The following RNF111 variants were observed in gnomAD, a reference collection of about 807,000 sequenced individuals.
The protein encoded by RNF111 is E3 ubiquitin-protein ligase Arkadia.
Under a neutral mutation model 95.1 loss-of-function variants are expected in RNF111, and 17 were observed. The ratio of observed to expected loss-of-function variants is 0.18; its 90% CI spans 0.12 to 0.27. The LOEUF (loss-of-function observed/expected upper bound fraction) is 0.27. Among genes scored for constraint, RNF111 ranks in the 10% least tolerant of loss-of-function variants. The probability of loss-of-function intolerance (pLI) is 1.00; values close to 1 mark genes in which losing one functional copy is unlikely to be tolerated. For synonymous variants in RNF111, 440 were observed against 414.8 expected, an observed-to-expected ratio of 1.06 and a Z score of -0.74; for missense variants, 1,189 against 1,210.4, an observed-to-expected ratio of 0.98 and a Z score of 0.26.
intron 7 of RNF111, among the ~76,000 whole-genome samples, chr15:59,076,740 A>G (rs1382705084): frequency 1.3e-5 from 2 of 152,226 alleles, no homozygotes; most frequent in East Asian, 3.8e-4. Flanking sequence ...AAGAAATTGA[A>G]ATTCGTTAGA....
chr15:58,989,250 G>A (rs1043426522), intron 1 of RNF111, among the ~76,000 whole-genome samples: 1 of 152,286 alleles, frequency 6.6e-6, no homozygotes, highest in Admixed American at 6.5e-5. Context: ...TATTTGTGAG[G>A]TGAAACAGAT....
rs1566903022 is a variant in RNF111, at chr15:59,041,488, GGTTGCA to G, written c.880+9789_880+9794del. Reference sequence around the variant, plus strand: ...GAACTGCTTGAACCCAGGAGGCGGAGGTTGCAGTGAGCCGAGATCTAGAGATTGTGC... The same window carrying G: ...GAACTGCTTGAACCCAGGAGGCGGAGGTGAGCCGAGATCTAGAGATTGTGC... On this transcript the variant is annotated intron_variant, in intron 2 of 13. Transcript: ENST00000348370. 3.3e-5 allele frequency among the ~76,000 whole-genome samples: 5 copies of G among 152,238 alleles called. No individual in the cohort carries two copies. The South Asian group carries it at 1.0e-3, about 32-fold the overall frequency.
intron 1 of RNF111, among the ~76,000 whole-genome samples, chr15:58,995,897 G>A (rs745516157): frequency 6.7e-6 from 1 of 149,672 alleles, no homozygotes; most frequent in Non-Finnish European, 1.5e-5. Context: ...GTTCCTTTTA[G>A]TGAGCAATCC....
intron 2 of RNF111, among the ~76,000 whole-genome samples, chr15:59,040,915 C>T (rs554577047): frequency 6.6e-6 from 1 of 152,040 alleles, no homozygotes; most frequent in Admixed American, 6.6e-5. Flanking sequence ...AAACATTTAC[C>T]TAGCTTCAGA....
chr15:59,019,423 T>G (rs1040795931), intron 1 of RNF111, among the ~76,000 whole-genome samples: 3 of 152,146 alleles, frequency 2.0e-5, no homozygotes, highest in Non-Finnish European at 4.4e-5. Flanking sequence ...AAAAATTGGC[T>G]TTCTTCTAAT....
chr15:59,039,551 T>A (rs2141848147), intron 2 of RNF111, among the ~76,000 whole-genome samples: 1 of 152,314 alleles, frequency 6.6e-6, no homozygotes, highest in African/African-American at 2.4e-5. Flanking sequence ...CTTTTTTAAA[T>A]GATTTCATCT....
In RNF111 at chr15:59,010,992, A is replaced by G. The variant is rs184202736; in HGVS notation, c.-19-19812A>G. Among the ~76,000 whole-genome samples the G allele has an allele frequency of 7.1e-4, 108 of 152,264 alleles. 1 individual carries two copies. Among genetic ancestry groups the G allele is most frequent in the Admixed American group, 6.5e-3 (99 of 15,302 alleles). On this transcript the variant is annotated intron_variant, in intron 1 of 13. Transcript: ENST00000348370. ...TCATCTAATTTCCCCTTTTCTCCCT[A>G]ACGGTCATCGTTCTAGACAGATAGT...
intron 1 of RNF111, among the ~76,000 whole-genome samples, chr15:58,997,198 C>T (rs543638204): frequency 1.3e-5 from 2 of 152,172 alleles, no homozygotes; most frequent in African/African-American, 2.4e-5. Flanking sequence ...CTTCCTATGA[C>T]CCAAGTCTTT....
intron 8 of RNF111, among the ~76,000 whole-genome samples, chr15:59,083,467 G>C (rs544527667): frequency 4.4e-4 from 67 of 152,016 alleles, no homozygotes; most frequent in African/African-American, 1.5e-3. Flanking sequence ...GAATCTGGGA[G>C]GCAGAGGTTG....
At chr15:59,002,936 C>T (rs953514447) in intron 1 of RNF111, among the ~76,000 whole-genome samples, 2 of 152,100 alleles carry the variant, frequency 1.3e-5, no homozygotes, top group African/African-American at 4.8e-5. Flanking sequence ...TCTTTAGCTT[C>T]TTAGAGAGGA....
At chr15:59,041,418 G>A (rs2041443776) in intron 2 of RNF111, among the ~76,000 whole-genome samples, 1 of 152,060 alleles carries the variant, frequency 6.6e-6, no homozygotes. Context: ...GCCGGGTGTG[G>A]TGGCTGCACC....
chr15:58,996,105 T>C lies in RNF111; in HGVS notation c.-20+8037T>C, dbSNP rs189716460. ...CTTCTTTTCTTTTTCAAATACATAA[T>C]GAGTTATGTTCTTAATTGTGATCAT... On this transcript the variant is annotated intron_variant, in intron 1 of 13. Coordinates refer to ENST00000348370, the MANE Select transcript of RNF111 (RefSeq NM_017610.8). Among the ~76,000 whole-genome samples, 351 of 152,228 alleles carry C rather than the reference T, an allele frequency of 2.3e-3. 3 individuals are homozygous for C. Among genetic ancestry groups the C allele is most frequent in the Non-Finnish European group, 4.1e-3 (276 of 68,014 alleles).
At chr15:59,075,798 G>A (rs1259144216) in intron 6 of RNF111, among the ~76,000 whole-genome samples, 156 bp from the exon 7 acceptor site, 1 of 152,120 alleles carries the variant, frequency 6.6e-6, no homozygotes, top group East Asian at 1.9e-4. Context: ...CAAGTATTTT[G>A]TTGGTGCTCA....
At chr15:59,093,507 G>A (rs776023425) in intron 13 of RNF111, 59 of 382,106 alleles carry the variant, frequency 1.5e-4, no homozygotes, top group South Asian at 3.2e-4. Context: ...CACTGCACTC[G>A]GCTATAGCAT....
chr15:58,990,770 A>AT (rs1351332498), intron 1 of RNF111, among the ~76,000 whole-genome samples: 12 of 152,324 alleles, frequency 7.9e-5, no homozygotes, highest in South Asian at 4.1e-4. Flanking sequence ...TAAAAATGAA[A>AT]TTTTTTATTA....
intron 1 of RNF111, among the ~76,000 whole-genome samples, chr15:58,992,881 T>A (rs1207551374): frequency 6.6e-6 from 1 of 152,012 alleles, no homozygotes; most frequent in African/African-American, 2.4e-5. Flanking sequence ...TCATTCATGT[T>A]TAGGCTGGAC....
At chr15:59,050,911 C>A (rs1446561802) in intron 2 of RNF111, among the ~76,000 whole-genome samples, 1 of 152,044 alleles carries the variant, frequency 6.6e-6, no homozygotes, top group Non-Finnish European at 1.5e-5. Context: ...GAGGAGGTAT[C>A]AAAAATTAAT....
At chr15:59,022,044 G>T (rs2040370074) in intron 1 of RNF111, among the ~76,000 whole-genome samples, 1 of 151,910 alleles carries the variant, frequency 6.6e-6, no homozygotes, top group South Asian at 2.1e-4. Flanking sequence ...ATTTTTAGTT[G>T]AGACGGGGTA....
intron 1 of RNF111, among the ~76,000 whole-genome samples, chr15:59,007,636 G>A (rs1327424690): frequency 1.3e-5 from 2 of 152,182 alleles, no homozygotes; most frequent in African/African-American, 2.4e-5. Flanking sequence ...AGAGTCATGT[G>A]TGGAGTTCCA....
Sources: gnomAD v4.1 joint callset for allele counts (sites outside exome capture counted in the v4.1 genomes callset) on GRCh38, gnomAD v4.1.1 for gene constraint, MANE v1.5 for transcripts, NCBI Gene and HGNC (gene_info 2026-07-23, HGNC 2026-07-21) for gene names.